The following HMGA2 variants were observed in gnomAD, a reference collection of about 807,000 sequenced individuals.
HMGA2 encodes high mobility group AT-hook 2.
In HMGA2, 8 loss-of-function variants were observed where a neutral mutation model predicts 19.1. That is an observed-to-expected ratio of 0.42 (90% confidence interval 0.25 to 0.76). HMGA2 has a LOEUF of 0.76. HMGA2 is among the 30% of genes least tolerant of loss of function. HMGA2 has a pLI of 0.28. For synonymous variants in HMGA2, 60 were observed against 48.8 expected, an observed-to-expected ratio of 1.23 and a Z score of -0.96; for missense variants, 109 against 136.3, an observed-to-expected ratio of 0.80 and a Z score of 1.00.
chr12:65,839,729 T>A (rs1293497663), intron 3 of HMGA2, among the ~76,000 whole-genome samples: 1 of 152,214 alleles, frequency 6.6e-6, no homozygotes, highest in African/African-American at 2.4e-5. Context: ...CTTCTGTTCA[T>A]TAAATTAGTT....
intron 3 of HMGA2, chr12:65,842,022 TG>T: frequency 8.4e-7 from 1 of 1,194,320 alleles, no homozygotes. Flanking sequence ...TAGTTTGAAC[TG>T]GATTTCAGAT....
chr12:65,895,452 GATTCATTCTCT>G (rs1412828490), intron 3 of HMGA2, among the ~76,000 whole-genome samples: 1 of 152,158 alleles, frequency 6.6e-6, no homozygotes, highest in Non-Finnish European at 1.5e-5. Context: ...TAAAGGTTCT[GATTCATTCTCT>G]ATTGTGGCAA....
chr12:65,956,817 T>C (rs1384187460), intron 4 of HMGA2: 1 of 152,206 alleles, frequency 6.6e-6, no homozygotes, highest in African/African-American at 2.4e-5. Flanking sequence ...AATTTTCCTC[T>C]ACATTTTGAT....
At chr12:65,850,561 T>C (rs1871419944) in intron 3 of HMGA2, among the ~76,000 whole-genome samples, 1 of 152,002 alleles carries the variant, frequency 6.6e-6, no homozygotes, top group Non-Finnish European at 1.5e-5. Flanking sequence ...GCTGGGATTG[T>C]AATAATGTGG....
chr12:65,839,701 A>G (rs1870910053), intron 3 of HMGA2, among the ~76,000 whole-genome samples: 1 of 152,214 alleles, frequency 6.6e-6, no homozygotes, highest in Admixed American at 6.5e-5. Flanking sequence ...ACCTTAAAGT[A>G]AGGATATTTC....
At chr12:65,954,041 A>G (rs1166700521) in intron 4 of HMGA2, 1 of 152,230 alleles carries the variant, frequency 6.6e-6, no homozygotes, top group East Asian at 1.9e-4. Context: ...AGGGCTCAGC[A>G]GTGTGTAAAC....
chr12:65,939,693 C>T (rs1415825843), intron 3 of HMGA2, among the ~76,000 whole-genome samples: 5 of 152,152 alleles, frequency 3.3e-5, no homozygotes, highest in African/African-American at 1.2e-4. Context: ...AAATGACTTC[C>T]TCTGTATTTA....
At chr12:65,869,371 C>G in intron 3 of HMGA2, among the ~76,000 whole-genome samples, 1 of 152,190 alleles carries the variant, frequency 6.6e-6, no homozygotes, top group East Asian at 1.9e-4. Context: ...ATTACCATAG[C>G]TCCTAAAATT....
At chr12:65,937,505 C>T (rs1223005833) in intron 3 of HMGA2, among the ~76,000 whole-genome samples, 1 of 152,330 alleles carries the variant, frequency 6.6e-6, no homozygotes, top group East Asian at 1.9e-4. Context: ...GGCAGAAGCT[C>T]ATGTTAGTTA....
At chr12:65,860,638 C>T (rs941629326) in intron 3 of HMGA2, among the ~76,000 whole-genome samples, 5 of 152,186 alleles carry the variant, frequency 3.3e-5, no homozygotes, top group African/African-American at 9.6e-5. Flanking sequence ...ACAAAAAATA[C>T]GTGGCTAGGC....
chr12:65,873,776 T>A (rs1269564531), intron 3 of HMGA2: 2 of 152,236 alleles, frequency 1.3e-5, no homozygotes, highest in Non-Finnish European at 2.9e-5. Context: ...TGTTTTCAAG[T>A]CTTGCTTGTG....
intron 3 of HMGA2, among the ~76,000 whole-genome samples, chr12:65,897,437 T>A (rs1874177844): frequency 6.6e-6 from 1 of 152,210 alleles, no homozygotes; most frequent in African/African-American, 2.4e-5. Context: ...ATCTCTGATG[T>A]AATTTGGAAA....
chr12:65,846,037 G>T (rs550290968), intron 3 of HMGA2, among the ~76,000 whole-genome samples: 6 of 152,330 alleles, frequency 3.9e-5, no homozygotes, highest in Non-Finnish European at 7.3e-5. Context: ...CTGGTAAAAG[G>T]CTTGGTAAGA....
At chr12:65,959,660 T>G (rs1166302932) in intron 4 of HMGA2, among the ~76,000 whole-genome samples, 2 of 152,162 alleles carry the variant, frequency 1.3e-5, no homozygotes, top group African/African-American at 2.4e-5. Context: ...AGGTAAGCCT[T>G]CTTGACCAAA....
intron 3 of HMGA2, among the ~76,000 whole-genome samples, chr12:65,907,139 G>T (rs946854728): frequency 6.6e-6 from 1 of 152,124 alleles, no homozygotes; most frequent in African/African-American, 2.4e-5. Context: ...GCTCACACCT[G>T]TAATCCCAGC....
At position 65,951,266 on chromosome 12, in the gene HMGA2, A is replaced by C. The variant is rs369503293; in HGVS notation, c.250-117A>C. On this transcript the variant is annotated intron_variant, in intron 3 of 4. Coordinates refer to ENST00000403681, the MANE Select transcript of HMGA2 (RefSeq NM_003483.6). The stretch of plus-strand genomic sequence containing the variant: ...TTTTAACATTGGATATACCAGTTGA[A>C]CTTTATACTTTCCTCTTTCCTTTGC... 71 of 677,700 alleles carry C rather than the reference A, an allele frequency of 1.0e-4. No homozygotes were observed. The African/African-American group carries it at 1.1e-3, about 11-fold the overall frequency. 42.0% of individuals were successfully genotyped at this position (677,700 alleles called of 1,614,324 possible).
At chr12:65,905,438 GA>G (rs1030968243) in intron 3 of HMGA2, among the ~76,000 whole-genome samples, 11 of 150,780 alleles carry the variant, frequency 7.3e-5, no homozygotes, top group Non-Finnish European at 1.5e-4. Context: ...AAAGAAAATG[GA>G]AAAAAAAATT....
intron 3 of HMGA2, among the ~76,000 whole-genome samples, chr12:65,903,913 G>A (rs1488552251): frequency 2.0e-5 from 3 of 152,214 alleles, no homozygotes; most frequent in Non-Finnish European, 2.9e-5. Flanking sequence ...TTACATTCAT[G>A]ATAACGGCCT....
chr12:65,837,040 G>T (rs1485901366), intron 2 of HMGA2, among the ~76,000 whole-genome samples: 1 of 152,142 alleles, frequency 6.6e-6, no homozygotes, highest in Non-Finnish European at 1.5e-5. Context: ...TGAGCCAGTT[G>T]TATACCTAAC....
Sources: allele counts gnomAD v4.1 joint callset (sites outside exome capture counted in the v4.1 genomes callset), GRCh38; gene constraint gnomAD v4.1.1; transcripts MANE v1.5; gene names NCBI Gene and HGNC (gene_info 2026-07-23, HGNC 2026-07-21).